Variants in CLIP2 observed in about 807,000 individuals in gnomAD.
The protein encoded by CLIP2 is CAP-Gly domain-containing linker protein 2.
Under a neutral mutation model 111.7 loss-of-function variants are expected in CLIP2, and 41 were observed. The ratio of observed to expected loss-of-function variants is 0.37; its 90% confidence interval spans 0.29 to 0.48. The LOEUF is 0.48. Among genes scored for constraint, CLIP2 ranks in the 20% least tolerant of loss-of-function variants. CLIP2 has a pLI of 0.99. For synonymous variants in CLIP2, 660 were observed against 644.2 expected, an observed-to-expected ratio of 1.02 and a Z score of -0.37; for missense variants, 1,160 against 1,422.1, an observed-to-expected ratio of 0.82 and a Z score of 2.96.
At chr7:74,359,912 G>T (rs1790276218) in intron 6 of CLIP2, among the ~76,000 whole-genome samples, 1 of 152,224 alleles carries the variant, frequency 6.6e-6, no homozygotes, top group Non-Finnish European at 1.5e-5. Context: ...CAAGATAACA[G>T]GTCTTAGGCT....
chr7:74,386,426 C>G (rs1791101265), intron 11 of CLIP2, 95 bp from the exon 12 acceptor site: 1 of 958,226 alleles, frequency 1.0e-6, no homozygotes, highest in Non-Finnish European at 1.6e-6. Context: ...CAAGTGTGAC[C>G]CCGTCACAGA....
chr7:74,389,061 G>T, intron 12 of CLIP2, 42 bp from the exon 13 acceptor site: 1 of 1,565,922 alleles, frequency 6.4e-7, no homozygotes, highest in Non-Finnish European at 8.6e-7. Context: ...AAGCTCACGT[G>T]TTCCCAATCC....
intron 1 of CLIP2, among the ~76,000 whole-genome samples, chr7:74,311,032 T>C (rs1395934478): frequency 2.0e-5 from 3 of 150,026 alleles, no homozygotes; most frequent in Non-Finnish European, 4.4e-5. Context: ...CAGGCTGGAG[T>C]GCAGTGGTGC....
At chr7:74,308,666 A>C (rs973788947) in intron 1 of CLIP2, among the ~76,000 whole-genome samples, 1 of 151,816 alleles carries the variant, frequency 6.6e-6, no homozygotes, top group African/African-American at 2.4e-5. Context: ...CACCACGCCC[A>C]GCTAATTTTT....
intron 1 of CLIP2, among the ~76,000 whole-genome samples, chr7:74,308,653 T>A (rs1788559237): frequency 6.6e-6 from 1 of 152,016 alleles, no homozygotes; most frequent in South Asian, 2.1e-4. Context: ...TACAGGTGTG[T>A]GCCACCACGC....
chr7:74,353,880 G>A lies in CLIP2; in HGVS notation c.679G>A (p.Val227Ile), dbSNP rs782799862. 11 of 1,614,050 alleles carry A rather than the reference G, an allele frequency of 6.8e-6. No individual in the cohort carries two copies. Among genetic ancestry groups the A allele is most frequent in the African/African-American group, 1.3e-5 (1 of 74,924 alleles). ...KDLRLGDRVLVGGTKTGVVRY... is the reference protein window; with the variant it reads ...KDLRLGDRVLIGGTKTGVVRY... ...CCTGAGTCTCCCTGTGTGCCGACAG[G>A]TTGGCGGGACGAAGACTGGCGTGGT... The change falls in exon 4 of 17, where the codon GTT becomes ATT. Residue 227 changes from valine to isoleucine, a missense_variant and splice_region_variant. Around this residue, in one of 5 missense-constraint regions of CLIP2, gnomAD observed 110 missense variants for 185.2 expected, o/e 0.59. Transcript: ENST00000223398.
At chr7:74,373,756 G>C (rs1254105616) in intron 9 of CLIP2, among the ~76,000 whole-genome samples, 1 of 152,104 alleles carries the variant, frequency 6.6e-6, no homozygotes, top group Non-Finnish European at 1.5e-5. Context: ...CTCCCCAGCT[G>C]AGGAGGCTGG....
rs782489591 is a variant in CLIP2 at position 74,373,057 on chromosome 7, G to C, written c.1485+21G>C. The C allele has an allele frequency of 4.6e-6, 7 of 1,516,306 alleles. No homozygotes were observed. In the Admixed American group the frequency reaches 5.9e-5, roughly 13 times the overall value. The allele number at this position is 1,516,306 out of a possible 1,614,324, so 93.9% of individuals were successfully genotyped here. On this transcript the variant is annotated intron_variant, in intron 9 of 16. Transcript: ENST00000223398. ...ACAGGGTAACCGCGCCACCGCACCC[G>C]CCTGGCCCGCCAGCCACCTTGCCCT...
At chr7:74,300,623 T>C (rs1788310834) in intron 1 of CLIP2, among the ~76,000 whole-genome samples, 1 of 151,884 alleles carries the variant, frequency 6.6e-6, no homozygotes, top group Non-Finnish European at 1.5e-5. Context: ...GCCCGGCTAA[T>C]TTTTTTATAT....
intron 2 of CLIP2, among the ~76,000 whole-genome samples, chr7:74,337,318 G>A (rs1274900440): frequency 6.6e-6 from 1 of 152,090 alleles, no homozygotes; most frequent in Admixed American, 6.6e-5. Context: ...AGACAGAAGG[G>A]GACATCTTTA....
intron 1 of CLIP2, among the ~76,000 whole-genome samples, chr7:74,307,265 G>T (rs367667084): frequency 6.6e-6 from 1 of 152,204 alleles, no homozygotes; most frequent in Non-Finnish European, 1.5e-5. Flanking sequence ...AGGCCAGGGG[G>T]CTCACAAATG....
intron 1 of CLIP2, among the ~76,000 whole-genome samples, chr7:74,310,668 T>G (rs1216504797): frequency 5.9e-5 from 9 of 152,186 alleles, no homozygotes; most frequent in African/African-American, 2.2e-4. Context: ...CACATATTTT[T>G]GCTTCTCTTG....
At chr7:74,361,170 C>CCTTCCTTCCTTCCTTCCTTCCTT (rs1790317454) in intron 7 of CLIP2, among the ~76,000 whole-genome samples, 1 of 12,704 alleles carries the variant, frequency 7.9e-5, no homozygotes, top group African/African-American at 3.8e-4. Context: ...CTCCCTCCCT[C>CCTTCCTTCCTTCCTTCCTTCCTT]CCTTCTTTCC....
intron 11 of CLIP2, among the ~76,000 whole-genome samples, chr7:74,385,744 T>C (rs1249147902): frequency 1.3e-5 from 2 of 148,776 alleles, no homozygotes. Flanking sequence ...CTTCTTTTTT[T>C]TTTTTTTTTT....
intron 1 of CLIP2, among the ~76,000 whole-genome samples, chr7:74,304,229 A>T (rs1212772385): frequency 6.6e-6 from 1 of 151,806 alleles, no homozygotes; most frequent in African/African-American, 2.4e-5. Context: ...TTTTTCTTTT[A>T]AAAAAATGAT....
chr7:74,290,252 G>A (rs1787977391), intron 1 of CLIP2, among the ~76,000 whole-genome samples: 1 of 152,258 alleles, frequency 6.6e-6, no homozygotes, highest in South Asian at 2.1e-4. Context: ...ACCCTCTGGG[G>A]TCGCCTGGCC....
intron 1 of CLIP2, among the ~76,000 whole-genome samples, chr7:74,294,475 C>T (rs1788116029): frequency 6.6e-6 from 1 of 152,182 alleles, no homozygotes; most frequent in East Asian, 1.9e-4. Flanking sequence ...GGGATCATAC[C>T]TTCCACTCTA....
rs113054715 is a variant in CLIP2, at chr7:74,399,832, G to T, written c.2881-538G>T. 7.3e-3 allele frequency among the ~76,000 whole-genome samples: 1,115 copies of T among 151,734 alleles called. 13 individuals are homozygous for T. Among genetic ancestry groups the T allele is most frequent in the African/African-American group, 0.024 (996 of 41,398 alleles). Reference sequence around the variant, plus strand: ...TGGGATTACAGGCGTGAGCCACCAGGCTCGGTCTCTGTCTCTTTTTTTAAT... The same window carrying T: ...TGGGATTACAGGCGTGAGCCACCAGTCTCGGTCTCTGTCTCTTTTTTTAAT... On this transcript the variant is annotated intron_variant, in intron 14 of 16. Coordinates refer to ENST00000223398, the MANE Select transcript of CLIP2 (RefSeq NM_003388.5).
intron 1 of CLIP2, among the ~76,000 whole-genome samples, chr7:74,297,622 A>G (rs1417257053): frequency 6.6e-6 from 1 of 151,778 alleles, no homozygotes; most frequent in East Asian, 1.9e-4. Context: ...CCCTGGGAAC[A>G]CTCCATGCCT....
Sources: gnomAD v4.1 joint callset for allele counts (sites outside exome capture counted in the v4.1 genomes callset) on GRCh38, gnomAD v4.1.1 for gene constraint, gnomAD v4.1.1 regional missense constraint, MANE v1.5 for transcripts, NCBI Gene and HGNC (gene_info 2026-07-23, HGNC 2026-07-21) for gene names.